Variants in OXR1 observed in about 807,000 individuals in gnomAD.
OXR1 encodes oxidation resistance protein 1.
A neutral mutation model predicts 104.6 loss-of-function variants in OXR1; 41 were observed. The ratio of observed to expected loss-of-function variants is 0.39; its 90% CI spans 0.31 to 0.51. OXR1 has a LOEUF of 0.51. Among genes scored for constraint, OXR1 ranks in the 20% least tolerant of loss-of-function variants. The pLI, the probability that OXR1 is intolerant of heterozygous loss-of-function variation, is 0.77. For synonymous variants in OXR1, 348 were observed against 348.4 expected, an observed-to-expected ratio of 1.00 and a Z score of 0.01; for missense variants, 955 against 1,031.9, an observed-to-expected ratio of 0.93 and a Z score of 1.02.
intron 2 of OXR1, among the ~76,000 whole-genome samples, chr8:106,497,993 T>A (rs1811528874): frequency 1.3e-5 from 2 of 152,180 alleles, no homozygotes; most frequent in South Asian, 4.1e-4. Context: ...TAATGTACTT[T>A]TAACTGGGTT....
At chr8:106,270,626 C>G (rs999999196) in intron 1 of OXR1, among the ~76,000 whole-genome samples, 1 of 152,088 alleles carries the variant, frequency 6.6e-6, no homozygotes, top group African/African-American at 2.4e-5. Flanking sequence ...AAGGAAAGAC[C>G]GCGCGGCGAG....
At chr8:106,697,598 A>G (rs879059366) in intron 7 of OXR1, 6 of 1,611,838 alleles carry the variant, frequency 3.7e-6, no homozygotes, top group South Asian at 3.3e-5. Context: ...CCATCATCCC[A>G]GGCTACTGCC....
At chr8:106,334,064 C>T (rs1814848900) in intron 1 of OXR1, among the ~76,000 whole-genome samples, 2 of 152,110 alleles carry the variant, frequency 1.3e-5, no homozygotes, top group African/African-American at 2.4e-5. Context: ...AGAGGATTAC[C>T]ATCTTCACAA....
At chr8:106,471,774 A>T (rs1323707547) in intron 2 of OXR1, among the ~76,000 whole-genome samples, 2 of 151,830 alleles carry the variant, frequency 1.3e-5, no homozygotes, top group African/African-American at 2.4e-5. Context: ...CAACATAATC[A>T]CTGGGGCATT....
chr8:106,667,895 G>A (rs183068484), intron 3 of OXR1, among the ~76,000 whole-genome samples: 1 of 149,686 alleles, frequency 6.7e-6, no homozygotes, highest in Non-Finnish European at 1.5e-5. Context: ...GGGAGTGACA[G>A]AATGAAAGAT....
At chr8:106,291,683 CT>C (rs1327389557) in intron 1 of OXR1, among the ~76,000 whole-genome samples, 2 of 152,120 alleles carry the variant, frequency 1.3e-5, no homozygotes, top group African/African-American at 4.8e-5. Context: ...CATTTTCACA[CT>C]GCTGTGAAGA....
At chr8:106,745,897 G>T in intron 16 of OXR1, 35 bp downstream of exon 16, 2 of 1,160,680 alleles carry the variant, frequency 1.7e-6, no homozygotes, top group South Asian at 1.4e-5. Flanking sequence ...TGAGATTTTT[G>T]AAGAACTTTA....
At chr8:106,448,384 C>G (rs182735338) in intron 2 of OXR1, among the ~76,000 whole-genome samples, 2 of 152,228 alleles carry the variant, frequency 1.3e-5, no homozygotes, top group South Asian at 2.1e-4. Flanking sequence ...TCGGCACCAC[C>G]TATCGTTTAT....
intron 2 of OXR1, among the ~76,000 whole-genome samples, chr8:106,449,009 G>A (rs1433013333): frequency 6.6e-6 from 1 of 152,020 alleles, no homozygotes; most frequent in Non-Finnish European, 1.5e-5. Context: ...TTTGAAAGTT[G>A]AGTACTTAAC....
intron 2 of OXR1, among the ~76,000 whole-genome samples, chr8:106,420,059 AGTAT>A (rs1029348424): frequency 2.0e-5 from 3 of 152,144 alleles, no homozygotes; most frequent in Admixed American, 1.3e-4. Context: ...AATACCTTTA[AGTAT>A]AAACATGTAT....
At chr8:106,282,347 C>A (rs1037582420) in intron 1 of OXR1, among the ~76,000 whole-genome samples, 4 of 152,128 alleles carry the variant, frequency 2.6e-5, no homozygotes, top group African/African-American at 9.7e-5. Flanking sequence ...TTTTGAAAAA[C>A]CATTTATGCT....
chr8:106,293,422 C>T (rs1812840765), intron 1 of OXR1, among the ~76,000 whole-genome samples: 1 of 152,150 alleles, frequency 6.6e-6, no homozygotes, highest in Admixed American at 6.5e-5. Context: ...GTGGTTTATC[C>T]AGTCCCATTC....
At chr8:106,295,211 C>T (rs938313921) in intron 1 of OXR1, among the ~76,000 whole-genome samples, 1 of 152,154 alleles carries the variant, frequency 6.6e-6, no homozygotes, top group South Asian at 2.1e-4. Context: ...AGGCTAATGA[C>T]AGTCCAAGGT....
chr8:106,409,479 AG>A, intron 2 of OXR1, among the ~76,000 whole-genome samples: 1 of 152,180 alleles, frequency 6.6e-6, no homozygotes, highest in Non-Finnish European at 1.5e-5. Context: ...ATTTAACAAA[AG>A]GGATTTAACA....
chr8:106,741,481 C>A (rs1834913096), intron 14 of OXR1, among the ~76,000 whole-genome samples: 2 of 152,006 alleles, frequency 1.3e-5, no homozygotes, highest in African/African-American at 4.8e-5. Context: ...CTAAACTGAG[C>A]TATGTGTTTA....
rs117206801 is a variant in OXR1 at position 106,636,824 on chromosome 8, C to T, written c.221-42386C>T. Among the ~76,000 whole-genome samples the T allele has an allele frequency of 2.7e-3, 418 of 152,284 alleles. 5 individuals are homozygous for T. The highest frequency in any genetic ancestry group is 1.9e-3 in the Non-Finnish European group (132 of 68,022). ...ACACTCAGACAGTGCTACTTACATT[C>T]CTGTCATTTAGGTATGCCCATGGTG... On this transcript the variant is annotated intron_variant, in intron 3 of 16. Coordinates refer to ENST00000517566, the MANE Select transcript of OXR1 (RefSeq NM_001198533.2).
At chr8:106,676,997 A>G (rs1008693703) in intron 3 of OXR1, among the ~76,000 whole-genome samples, 8 of 152,172 alleles carry the variant, frequency 5.3e-5, no homozygotes, top group African/African-American at 1.9e-4. Flanking sequence ...TGAAAATTAC[A>G]GAGCAATTGC....
At chr8:106,469,711 C>T (rs1821380495) in intron 2 of OXR1, among the ~76,000 whole-genome samples, 1 of 151,702 alleles carries the variant, frequency 6.6e-6, no homozygotes, top group South Asian at 2.1e-4. Context: ...CTTGGTGTTC[C>T]CACATGTAGA....
chr8:106,705,933 CTG>C (rs28921418), intron 8 of OXR1, among the ~76,000 whole-genome samples: 21,064 of 151,716 alleles, frequency 0.14, 1,761 homozygotes, highest in East Asian at 0.36. Context: ...TAAATAAGCA[CTG>C]TGTGTGTGTG....
Sources: allele counts gnomAD v4.1 joint callset (sites outside exome capture counted in the v4.1 genomes callset), GRCh38; gene constraint gnomAD v4.1.1; transcripts MANE v1.5; gene names NCBI Gene and HGNC (gene_info 2026-07-23, HGNC 2026-07-21).